Variants in EPG5 observed in about 807,000 individuals in gnomAD.
EPG5 encodes the protein ectopic P granules protein 5 homolog.
A neutral mutation model predicts 302.7 loss-of-function variants in EPG5; 159 were observed. The observed-to-expected ratio is 0.53, with a 90% CI of 0.46 to 0.60. The LOEUF (loss-of-function observed/expected upper bound fraction) is 0.60. Among genes scored for constraint, EPG5 ranks in the 20% least tolerant of loss-of-function variants. EPG5 has a pLI of 0.00. For synonymous variants in EPG5, 1,158 were observed against 1,136.8 expected, an observed-to-expected ratio of 1.02 and a Z score of -0.37; for missense variants, 2,896 against 3,092.4, an observed-to-expected ratio of 0.94 and a Z score of 1.51.
the EPG5 span, among the ~76,000 whole-genome samples, chr18:45,832,272 C>G: frequency 6.6e-6 from 1 of 152,142 alleles, no homozygotes; most frequent in East Asian, 1.9e-4. Flanking sequence ...ATATAACTTG[C>G]CCAAAGATCA....
the EPG5 span, among the ~76,000 whole-genome samples, chr18:45,819,336 G>A: frequency 6.6e-6 from 1 of 152,226 alleles, no homozygotes; most frequent in African/African-American, 2.4e-5. Context: ...AATATCTTAT[G>A]CTATGTTTCC....
chr18:45,811,004 G>A, the EPG5 span, among the ~76,000 whole-genome samples: 7 of 152,122 alleles, frequency 4.6e-5, no homozygotes, highest in Non-Finnish European at 1.0e-4. Context: ...TGGCATACAA[G>A]AGACATACCT....
intron 39 of EPG5, among the ~76,000 whole-genome samples, chr18:45,861,810 T>C (rs1179493061): frequency 6.6e-6 from 1 of 152,196 alleles, no homozygotes; most frequent in Non-Finnish European, 1.5e-5. Context: ...TCCATTTTTT[T>C]CTACTAAGTT....
intron 10 of EPG5, among the ~76,000 whole-genome samples, chr18:45,937,231 T>TACAC (rs1209026614): frequency 2.7e-5 from 2 of 73,768 alleles, no homozygotes; most frequent in African/African-American, 6.5e-5. Context: ...TATATACATA[T>TACAC]ATATACACAC....
chr18:45,809,440 A>T, the EPG5 span, among the ~76,000 whole-genome samples: 3 of 152,204 alleles, frequency 2.0e-5, no homozygotes, highest in Non-Finnish European at 4.4e-5. Context: ...CAGCACATGG[A>T]ACCTTCTCCA....
chr18:45,889,127 C>T (rs980232691), intron 28 of EPG5, among the ~76,000 whole-genome samples: 1 of 152,204 alleles, frequency 6.6e-6, no homozygotes, highest in Non-Finnish European at 1.5e-5. Flanking sequence ...CCCCTCCATA[C>T]ACCATCCTAC....
chr18:45,900,994 A>G lies in EPG5; in HGVS notation c.4646+2T>C, dbSNP rs1064795606. 1.2e-6 allele frequency: 2 copies of G among 1,612,572 alleles called. No individual in the cohort carries two copies. Among genetic ancestry groups the G allele is most frequent in the Non-Finnish European group, 1.7e-6 (2 of 1,178,958 alleles). The stretch of plus-strand genomic sequence containing the variant: ...ATGATCCGTGAGGCTGCATGGTCTT[A>G]CCTGGCCTGCTGTTGCAACAGATTC... On this transcript the variant is annotated splice_donor_variant, in intron 26 of 43. Transcript: ENST00000282041. LOFTEE classifies it high-confidence loss of function.
intron 26 of EPG5, among the ~76,000 whole-genome samples, chr18:45,900,728 T>A (rs1382566750): frequency 6.6e-6 from 1 of 152,180 alleles, no homozygotes; most frequent in African/African-American, 2.4e-5. Context: ...ATGAGAAGCA[T>A]ACGAAAATCT....
intron 13 of EPG5, among the ~76,000 whole-genome samples, 166 bp downstream of exon 13, chr18:45,928,703 G>A (rs1046738160): frequency 2.0e-5 from 3 of 152,204 alleles, no homozygotes; most frequent in African/African-American, 7.2e-5. Context: ...CTAATCCCAA[G>A]TTGGTGTGGT....
At chr18:45,823,061 C>G in the EPG5 span, among the ~76,000 whole-genome samples, 1 of 152,146 alleles carries the variant, frequency 6.6e-6, no homozygotes, top group Non-Finnish European at 1.5e-5. Context: ...GAAAAACACA[C>G]AGGTAGGCAG....
chr18:45,825,799 C>T, the EPG5 span: 363 of 1,614,124 alleles, frequency 2.2e-4, 1 homozygote, highest in South Asian at 1.2e-3. Context: ...CTGCTACTCT[C>T]TCTGGCCCAT....
chr18:45,938,026 C>G (rs1251625819), intron 10 of EPG5, among the ~76,000 whole-genome samples: 1 of 152,124 alleles, frequency 6.6e-6, no homozygotes, highest in Non-Finnish European at 1.5e-5. Context: ...AGTAACAGAT[C>G]AGAGAAGGAA....
the EPG5 span, among the ~76,000 whole-genome samples, chr18:45,816,881 C>G: frequency 1.3e-5 from 2 of 152,134 alleles, no homozygotes; most frequent in African/African-American, 4.8e-5. Flanking sequence ...GCCCATCAAT[C>G]AATGAGTGGA....
chr18:45,865,464 T>C, intron 39 of EPG5, 151 bp downstream of exon 39: 1 of 813,740 alleles, frequency 1.2e-6, no homozygotes, highest in Non-Finnish European at 1.9e-6. Flanking sequence ...TCCCCACTGC[T>C]GAGTCCCTGG....
At chr18:45,932,677 A>C (rs1168712579) in intron 11 of EPG5, among the ~76,000 whole-genome samples, 2 of 152,226 alleles carry the variant, frequency 1.3e-5, no homozygotes, top group Non-Finnish European at 2.9e-5. Context: ...AGATGAAAAA[A>C]CAGCAAATTA....
intron 36 of EPG5, 157 bp from the exon 37 acceptor site, chr18:45,867,905 T>C (rs2048781165): frequency 8.6e-6 from 6 of 699,026 alleles, no homozygotes; most frequent in Non-Finnish European, 1.5e-5. Flanking sequence ...GACTTAATAT[T>C]TGTAATATCT....
the EPG5 span, chr18:45,841,954 C>A: frequency 1.4e-6 from 1 of 715,532 alleles, no homozygotes; most frequent in Non-Finnish European, 2.4e-6. Context: ...CTCTGCCCAG[C>A]CTCCGATGCC....
At chr18:45,873,848 CAA>C (rs1490713471) in intron 35 of EPG5, among the ~76,000 whole-genome samples, 1 of 152,152 alleles carries the variant, frequency 6.6e-6, no homozygotes, top group African/African-American at 2.4e-5. Flanking sequence ...TACAGCCAGA[CAA>C]AATGAAATGA....
At chr18:45,947,616 A>C (rs2050813513) in intron 6 of EPG5, among the ~76,000 whole-genome samples, 1 of 151,960 alleles carries the variant, frequency 6.6e-6, no homozygotes. Flanking sequence ...CGAGTTCTTC[A>C]CCTCTATTAC....
Sources: gnomAD v4.1 joint callset for allele counts (sites outside exome capture counted in the v4.1 genomes callset) on GRCh38, gnomAD v4.1.1 for gene constraint, MANE v1.5 for transcripts, NCBI Gene and HGNC (gene_info 2026-07-23, HGNC 2026-07-21) for gene names.